The following CCSER1 variants were observed in gnomAD, a reference collection of about 807,000 sequenced individuals.
CCSER1 encodes the protein coiled-coil serine rich protein 1, also known as serine-rich coiled-coil domain-containing protein 1.
In CCSER1, 41 loss-of-function variants were observed where a neutral mutation model predicts 82.0. That is an observed-to-expected ratio of 0.50 (90% confidence interval 0.39 to 0.65). The LOEUF (loss-of-function observed/expected upper bound fraction) is 0.65, where lower values mean the gene tolerates loss of function less well. CCSER1 is among the 30% of genes least tolerant of loss of function. CCSER1 has a pLI of 0.00. For synonymous variants in CCSER1, 414 were observed against 383.9 expected (o/e 1.08, Z -0.92); for missense variants, 1,119 against 1,064.2 (o/e 1.05, Z -0.72).
At chr4:90,281,618 G>C (rs537580010) in intron 1 of CCSER1, among the ~76,000 whole-genome samples, 1 of 152,086 alleles carries the variant, frequency 6.6e-6, no homozygotes, top group South Asian at 2.1e-4. Context: ...GAAAATAAAG[G>C]TGAAACTATT....
intron 9 of CCSER1, among the ~76,000 whole-genome samples, chr4:90,931,269 A>G (rs1561381431): frequency 6.6e-6 from 1 of 151,792 alleles, no homozygotes; most frequent in Non-Finnish European, 1.5e-5. Flanking sequence ...AATTAGATGC[A>G]TTCTTTAATT....
intron 4 of CCSER1, among the ~76,000 whole-genome samples, chr4:90,425,278 T>G (rs1211865946): frequency 6.6e-6 from 1 of 152,008 alleles, no homozygotes; most frequent in Non-Finnish European, 1.5e-5. Context: ...CTGGTGCAGG[T>G]AAGAGCACAG....
intron 10 of CCSER1, among the ~76,000 whole-genome samples, chr4:91,208,057 T>C (rs949592107): frequency 2.5e-4 from 38 of 151,776 alleles, no homozygotes; most frequent in African/African-American, 8.7e-4. Context: ...ATGTCCTCTG[T>C]TCACTATTTA....
At chr4:90,745,990 A>G (rs1406180007) in intron 7 of CCSER1, among the ~76,000 whole-genome samples, 1 of 151,754 alleles carries the variant, frequency 6.6e-6, no homozygotes, top group South Asian at 2.1e-4. Context: ...GTGAGCCACC[A>G]CGCCCGGCCT....
intron 5 of CCSER1, among the ~76,000 whole-genome samples, chr4:90,563,945 C>T (rs1238188259): frequency 6.6e-6 from 1 of 152,090 alleles, no homozygotes; most frequent in Non-Finnish European, 1.5e-5. Context: ...TTACCAACTC[C>T]TTTTAGCCTT....
intron 1 of CCSER1, among the ~76,000 whole-genome samples, chr4:90,220,338 A>T (rs1437108926): frequency 1.3e-5 from 2 of 152,114 alleles, no homozygotes; most frequent in African/African-American, 4.8e-5. Flanking sequence ...TCATCACATT[A>T]GCACTTATCT....
intron 1 of CCSER1, among the ~76,000 whole-genome samples, chr4:90,237,690 T>C (rs1427653557): frequency 6.6e-6 from 1 of 152,204 alleles, no homozygotes; most frequent in Non-Finnish European, 1.5e-5. Flanking sequence ...AAGCCAGTGT[T>C]GTCTGAACTG....
At chr4:91,274,635 C>T (rs1221070521) in intron 10 of CCSER1, among the ~76,000 whole-genome samples, 1 of 152,126 alleles carries the variant, frequency 6.6e-6, no homozygotes, top group African/African-American at 2.4e-5. Context: ...CTAGTTCATC[C>T]ATCTTGCTGC....
At chr4:91,339,838 G>T (rs115123730) in intron 10 of CCSER1, among the ~76,000 whole-genome samples, 105 of 152,074 alleles carry the variant, frequency 6.9e-4, no homozygotes, top group African/African-American at 2.4e-3. Context: ...ATTAATTTAG[G>T]CCAGGTGCCA....
At chr4:90,371,199 A>G (rs1747341302) in intron 3 of CCSER1, among the ~76,000 whole-genome samples, 1 of 152,166 alleles carries the variant, frequency 6.6e-6, no homozygotes, top group Non-Finnish European at 1.5e-5. Context: ...GAATCCAATA[A>G]ATCTCCTTAA....
At chr4:91,349,221 G>A (rs2149297382) in intron 10 of CCSER1, among the ~76,000 whole-genome samples, 1 of 152,090 alleles carries the variant, frequency 6.6e-6, no homozygotes, top group African/African-American at 2.4e-5. Flanking sequence ...TTTTTATGTT[G>A]ATTCTCTTTT....
At chr4:90,509,836 C>CAT (rs139135389) in intron 5 of CCSER1, among the ~76,000 whole-genome samples, 6,477 of 152,144 alleles carry the variant, frequency 0.043, 399 homozygotes, top group African/African-American at 0.14. Context: ...ATATTTAAAA[C>CAT]GTGCTTTATA....
intron 1 of CCSER1, among the ~76,000 whole-genome samples, chr4:90,218,477 AAG>A (rs893483574): frequency 3.9e-5 from 6 of 152,212 alleles, no homozygotes; most frequent in Non-Finnish European, 7.3e-5. Flanking sequence ...AAATTGAAAA[AAG>A]AGAGATTTGT....
At chr4:90,899,104 T>G (rs1001269611) in intron 8 of CCSER1, among the ~76,000 whole-genome samples, 4 of 152,126 alleles carry the variant, frequency 2.6e-5, no homozygotes, top group African/African-American at 9.6e-5. Flanking sequence ...TTTCTTTGTG[T>G]CATTGATGAT....
At chr4:90,644,295 C>A (rs536052094) in intron 6 of CCSER1, among the ~76,000 whole-genome samples, 2 of 151,992 alleles carry the variant, frequency 1.3e-5, no homozygotes, top group Admixed American at 6.6e-5. Context: ...CACAACCTAA[C>A]GATAATTTTA....
At chr4:91,220,190 G>T (rs1028391930) in intron 10 of CCSER1, among the ~76,000 whole-genome samples, 1 of 152,192 alleles carries the variant, frequency 6.6e-6, no homozygotes, top group Non-Finnish European at 1.5e-5. Flanking sequence ...CACAGGTAGT[G>T]TATTTTTATC....
At chr4:91,258,523 G>T (rs566418898) in intron 10 of CCSER1, among the ~76,000 whole-genome samples, 6 of 151,954 alleles carry the variant, frequency 3.9e-5, no homozygotes, top group Non-Finnish European at 8.8e-5. Flanking sequence ...CATTAGTAAA[G>T]CACTTTAAAC....
chr4:90,670,500 A>G (rs998463819), intron 6 of CCSER1, among the ~76,000 whole-genome samples: 8 of 151,466 alleles, frequency 5.3e-5, no homozygotes, highest in Non-Finnish European at 8.9e-5. Context: ...TTGTACCTCC[A>G]TGTATTCTTT....
intron 3 of CCSER1, among the ~76,000 whole-genome samples, chr4:90,353,947 A>C (rs1743965199): frequency 6.6e-6 from 1 of 152,224 alleles, no homozygotes; most frequent in African/African-American, 2.4e-5. Flanking sequence ...TATCTGAAGG[A>C]AACAAAATTG....
Sources: gnomAD v4.1 joint callset for allele counts (sites outside exome capture counted in the v4.1 genomes callset) on GRCh38, gnomAD v4.1.1 for gene constraint, MANE v1.5 for transcripts, NCBI Gene and HGNC (gene_info 2026-07-23, HGNC 2026-07-21) for gene names.